Variants in PKNOX2 observed in about 807,000 individuals in gnomAD.
The protein encoded by PKNOX2 is PBX/knotted 1 homeobox 2, also known as homeobox protein PKNOX2.
In PKNOX2, 14 loss-of-function variants were observed where a neutral mutation model predicts 53.1. The ratio of observed to expected loss-of-function variants is 0.26; its 90% CI spans 0.17 to 0.41. The LOEUF (loss-of-function observed/expected upper bound fraction) is 0.41, where lower values mean the gene tolerates loss of function less well. Ranked by LOEUF, PKNOX2 falls within the 10% of genes least tolerant of loss-of-function variation. The pLI is 1.00. For missense variants in PKNOX2, 496 were observed against 602.8 expected (o/e 0.82, Z 1.85); for synonymous variants, 257 against 242.8 (o/e 1.06, Z -0.54).
At chr11:125,172,499 A>T (rs1955401818) in intron 1 of PKNOX2, among the ~76,000 whole-genome samples, 1 of 152,052 alleles carries the variant, frequency 6.6e-6, no homozygotes, top group Non-Finnish European at 1.5e-5. Flanking sequence ...GGTGATCGGG[A>T]TGGTGGAGAG....
In PKNOX2 at chr11:125,214,693, G is replaced by A. The variant is rs75045808; in HGVS notation, c.-200-20352G>A. On this transcript the variant is annotated intron_variant, in intron 1 of 12. Coordinates refer to ENST00000298282, the MANE Select transcript of PKNOX2 (RefSeq NM_001382323.2). ...ATCAGGCAATGCAGCCCCTGCCTGA[G>A]GGGTGGAGGGGATGGGGTGCAGCCT... Among the ~76,000 whole-genome samples, 867 of 152,168 alleles carry A rather than the reference G, an allele frequency of 5.7e-3. 13 individuals carry two copies. Among genetic ancestry groups the A allele is most frequent in the African/African-American group, 0.02 (812 of 41,536 alleles).
intron 1 of PKNOX2, among the ~76,000 whole-genome samples, chr11:125,172,914 C>A (rs1343611915): frequency 6.6e-6 from 1 of 152,174 alleles, no homozygotes; most frequent in African/African-American, 2.4e-5. Context: ...GGGGATGGCT[C>A]CATGAGGCAG....
At chr11:125,254,468 C>T (rs546496199) in intron 2 of PKNOX2, among the ~76,000 whole-genome samples, 5 of 152,340 alleles carry the variant, frequency 3.3e-5, no homozygotes, top group South Asian at 2.1e-4. Flanking sequence ...CAGGAGTCCT[C>T]GTCTTGAGGC....
At chr11:125,337,305 T>C (rs993012306) in intron 3 of PKNOX2, among the ~76,000 whole-genome samples, 1 of 152,208 alleles carries the variant, frequency 6.6e-6, no homozygotes, top group African/African-American at 2.4e-5. Context: ...CACTCTTTCT[T>C]GTTCAGTGTT....
chr11:125,421,228 T>C (rs1956153326), intron 10 of PKNOX2, among the ~76,000 whole-genome samples: 1 of 152,126 alleles, frequency 6.6e-6, no homozygotes, highest in Non-Finnish European at 1.5e-5. Flanking sequence ...GCACGGACAC[T>C]CGAGTGGCTC....
rs1043960592 is a variant in PKNOX2 at position 125,410,319 on chromosome 11, G to C, written c.712G>C (p.Val238Leu). ...IAMTTVNSQVVSGGALYQPVT... is the reference protein window; with the variant it reads ...IAMTTVNSQVLSGGALYQPVT... ...CATGACAACCGTCAACTCACAAGTT[G>C]TGTCAGGTCGGTGCAAAGACTGGGA... The change falls in exon 8 of 13, where the codon GTG becomes CTG. Residue 238 changes from valine (V) to leucine (L), a missense_variant. Val to Leu is a conservative substitution (Grantham distance 32). This residue lies in a region of PKNOX2 where 141 missense variants were observed against 143.9 expected (regional missense o/e 0.98). Transcript: ENST00000298282. 1.2e-6 allele frequency: 2 copies of C among 1,613,932 alleles called. No individual in the cohort carries two copies. Among genetic ancestry groups the C allele is most frequent in the African/African-American group, 2.7e-5 (2 of 74,902 alleles).
At chr11:125,222,609 G>A (rs1941267291) in intron 1 of PKNOX2, among the ~76,000 whole-genome samples, 1 of 108,850 alleles carries the variant, frequency 9.2e-6, no homozygotes, top group African/African-American at 3.3e-5. Context: ...GTGTGTCTGT[G>A]TGTATGTGTG....
intron 1 of PKNOX2, among the ~76,000 whole-genome samples, chr11:125,216,060 G>A (rs540478609): frequency 6.6e-6 from 1 of 152,172 alleles, no homozygotes; most frequent in Admixed American, 6.5e-5. Context: ...ATCCTCAAAA[G>A]CTTTAAAGAA....
intron 2 of PKNOX2, chr11:125,239,542 T>C (rs1203112310): frequency 3.3e-5 from 5 of 152,244 alleles, no homozygotes; most frequent in Non-Finnish European, 7.3e-5. Context: ...TTACCCCATG[T>C]GAAACACTTT....
intron 3 of PKNOX2, among the ~76,000 whole-genome samples, chr11:125,339,116 G>C (rs1476628637): frequency 6.6e-6 from 1 of 152,202 alleles, no homozygotes; most frequent in Non-Finnish European, 1.5e-5. Flanking sequence ...CCCTTTCCAA[G>C]GCTGGAGGTT....
At chr11:125,365,287 G>A (rs952603574) in intron 4 of PKNOX2, among the ~76,000 whole-genome samples, 6 of 152,112 alleles carry the variant, frequency 3.9e-5, no homozygotes, top group Non-Finnish European at 8.8e-5. Flanking sequence ...TCAGAGTGGT[G>A]CAAGACCAGA....
In PKNOX2 at chr11:125,411,845, T is replaced by G; in HGVS notation, c.916T>G (p.Trp306Gly). 2 of 1,614,146 alleles carry G rather than the reference T, an allele frequency of 1.2e-6. No individual in the cohort carries two copies. Among genetic ancestry groups the G allele is most frequent in the Non-Finnish European group, 1.7e-6 (2 of 1,180,024 alleles). The change falls in exon 10 of 13, where the codon TGG becomes GGG. Residue 306 changes from tryptophan to glycine, a missense_variant. Physicochemically the swap from Trp to Gly is radical, Grantham distance 184 (BLOSUM62 -2). This residue lies in a region of PKNOX2 where 36 missense variants were observed against 81.9 expected (regional missense o/e 0.44). Transcript: ENST00000298282. ...PKHATNIMRS[W>G]LFQHLMHPYP... ...GCATGCCACCAATATAATGCGTTCT[T>G]GGCTCTTCCAGCATCTCATGGTGAG...
intron 5 of PKNOX2, among the ~76,000 whole-genome samples, chr11:125,373,937 A>G (rs1372191930): frequency 6.6e-6 from 1 of 152,104 alleles, no homozygotes; most frequent in Non-Finnish European, 1.5e-5. Context: ...CGAGAGAATG[A>G]CAGCCACGCT....
At chr11:125,336,707 T>C (rs1435567669) in intron 3 of PKNOX2, among the ~76,000 whole-genome samples, 2 of 147,376 alleles carry the variant, frequency 1.4e-5, no homozygotes, top group African/African-American at 4.9e-5. Flanking sequence ...TATAATATAG[T>C]ATATAGCATT....
At chr11:125,382,094 C>T (rs931895631) in intron 5 of PKNOX2, among the ~76,000 whole-genome samples, 5 of 152,338 alleles carry the variant, frequency 3.3e-5, no homozygotes, top group Non-Finnish European at 7.3e-5. Context: ...AACACACCAT[C>T]CCTGTACACA....
In PKNOX2 at chr11:125,272,191, T is replaced by A. The variant is rs113013646; in HGVS notation, c.-130+37076T>A. On this transcript the variant is annotated intron_variant, in intron 2 of 12. Coordinates refer to ENST00000298282, the MANE Select transcript of PKNOX2 (RefSeq NM_001382323.2). Reference sequence around the variant, plus strand: ...TTGGTGATGACAGTCCTCCTGGCTGTGAAGGGTCGTGGGGGTGTGAGGAAA... The same window carrying A: ...TTGGTGATGACAGTCCTCCTGGCTGAGAAGGGTCGTGGGGGTGTGAGGAAA... Among the ~76,000 whole-genome samples the A allele has an allele frequency of 5.9e-5, 9 of 152,364 alleles. No homozygotes were observed. The East Asian group carries it at 1.7e-3, about 29-fold the overall frequency.
intron 2 of PKNOX2, among the ~76,000 whole-genome samples, chr11:125,256,921 T>C (rs1944446024): frequency 6.6e-6 from 1 of 152,142 alleles, no homozygotes; most frequent in Admixed American, 6.5e-5. Flanking sequence ...ATATTGAGAA[T>C]TGCGAGATAA....
chr11:125,420,330 A>G (rs1196199770), intron 10 of PKNOX2, among the ~76,000 whole-genome samples: 1 of 151,782 alleles, frequency 6.6e-6, no homozygotes, highest in Non-Finnish European at 1.5e-5. Context: ...GATCGAGACC[A>G]TCCTGGCTAA....
In PKNOX2 at chr11:125,259,309, AC is replaced by A. The variant is rs745586780; in HGVS notation, c.-130+24195del. Among the ~76,000 whole-genome samples the A allele has an allele frequency of 2.0e-5, 3 of 152,290 alleles. No individual in the cohort carries two copies. The East Asian group carries it at 5.8e-4, about 29-fold the overall frequency. ...CATTTAAGACGCATGTTAGACACCC[AC>A]TATGTTCTAGACACTGAGGCAGGAC... On this transcript the variant is annotated intron_variant, in intron 2 of 12. Transcript: ENST00000298282.
Sources: gnomAD v4.1 joint callset for allele counts (sites outside exome capture counted in the v4.1 genomes callset) on GRCh38, gnomAD v4.1.1 for gene constraint, gnomAD v4.1.1 regional missense constraint, MANE v1.5 for transcripts, NCBI Gene and HGNC (gene_info 2026-07-23, HGNC 2026-07-21) for gene names.